ELMO1: variants seen among roughly 807,000 people sequenced by gnomAD.
ELMO1 encodes the protein engulfment and cell motility protein 1.
A neutral mutation model predicts 98.9 loss-of-function variants in ELMO1; 26 were observed. That is an observed-to-expected ratio of 0.26 (90% CI 0.19 to 0.36). The LOEUF is 0.36. Among genes scored for constraint, ELMO1 ranks in the 10% least tolerant of loss-of-function variants. The probability of loss-of-function intolerance (pLI) is 1.00; values close to 1 mark genes in which losing one functional copy is unlikely to be tolerated. For synonymous variants in ELMO1, 346 were observed against 346.0 expected, an observed-to-expected ratio of 1.00 and a Z score of 0.00; for missense variants, 627 against 935.2, an observed-to-expected ratio of 0.67 and a Z score of 4.30.
chr7:37,405,317 C>T (rs1318503096), intron 1 of ELMO1, among the ~76,000 whole-genome samples: 1 of 152,106 alleles, frequency 6.6e-6, no homozygotes, highest in African/African-American at 2.4e-5. Context: ...CCAATGTTTC[C>T]GACCCCCTCC....
rs1478268120 is a variant in ELMO1 at position 37,098,475 on chromosome 7, C to T, written c.1192-1748G>A. On this transcript the variant is annotated intron_variant, in intron 14 of 21. Coordinates refer to ENST00000310758, the MANE Select transcript of ELMO1 (RefSeq NM_014800.11). ...TAACCAGGTGATCAAGGAAGGTTCT[C>T]GGACTATTGAGAATCAAACGATGAG... 3.3e-5 allele frequency among the ~76,000 whole-genome samples: 5 copies of T among 152,120 alleles called. No homozygotes were observed. The East Asian group carries it at 5.8e-4, about 18-fold the overall frequency.
intron 13 of ELMO1, among the ~76,000 whole-genome samples, chr7:37,167,203 C>G (rs1013671819): frequency 1.3e-5 from 2 of 151,858 alleles, no homozygotes; most frequent in African/African-American, 2.4e-5. Flanking sequence ...AGATCTTCCT[C>G]CATCCCTTTA....
intron 4 of ELMO1, among the ~76,000 whole-genome samples, chr7:37,293,417 A>G (rs1234803809): frequency 1.2e-5 from 1 of 81,816 alleles, no homozygotes; most frequent in East Asian, 2.6e-4. Flanking sequence ...CGGTGACCTT[A>G]CCCCCAACCC....
chr7:37,386,063 T>G (rs953554225), intron 1 of ELMO1, among the ~76,000 whole-genome samples: 6 of 152,292 alleles, frequency 3.9e-5, no homozygotes, highest in African/African-American at 1.2e-4. Context: ...CAGAATGACT[T>G]CACCTTTAAG....
At position 37,442,325 on chromosome 7, in the gene ELMO1, T is replaced by A. The variant is rs181714924; in HGVS notation, c.-74+6350A>T. ...TCAGCATCGCCCAAAGGAGAAACCATCACGGTCAAAGGACTCCAGTCTCTG... is the reference window on the plus strand; with the variant it reads ...TCAGCATCGCCCAAAGGAGAAACCAACACGGTCAAAGGACTCCAGTCTCTG... On this transcript the variant is annotated intron_variant, in intron 1 of 21. Transcript: ENST00000310758. 2.2e-4 allele frequency among the ~76,000 whole-genome samples: 33 copies of A among 152,202 alleles called. No homozygotes were observed. In the East Asian group the frequency reaches 6.0e-3, roughly 28 times the overall value.
intron 4 of ELMO1, among the ~76,000 whole-genome samples, chr7:37,284,778 A>G (rs1797309186): frequency 6.6e-6 from 1 of 151,518 alleles, no homozygotes. Context: ...GGTTTAAAGA[A>G]AAAAAAAAGC....
At chr7:37,389,732 A>G (rs963393518) in intron 1 of ELMO1, among the ~76,000 whole-genome samples, 4 of 152,140 alleles carry the variant, frequency 2.6e-5, no homozygotes, top group African/African-American at 7.2e-5. Flanking sequence ...TCCTTTAACC[A>G]TAGGAAATAG....
chr7:37,432,720 G>A (rs1804982092), intron 1 of ELMO1, among the ~76,000 whole-genome samples: 1 of 152,224 alleles, frequency 6.6e-6, no homozygotes, highest in South Asian at 2.1e-4. Context: ...TATCACAGAT[G>A]CCTCGTCACC....
At chr7:37,033,750 G>C (rs923199454) in intron 15 of ELMO1, among the ~76,000 whole-genome samples, 3 of 152,174 alleles carry the variant, frequency 2.0e-5, no homozygotes, top group Non-Finnish European at 4.4e-5. Flanking sequence ...TGGAGACTAA[G>C]ATCATCAGAA....
chr7:36,941,434 T>A (rs904602024), intron 16 of ELMO1, among the ~76,000 whole-genome samples: 2 of 152,248 alleles, frequency 1.3e-5, no homozygotes, highest in African/African-American at 2.4e-5. Flanking sequence ...AAAGGGAGTA[T>A]GAGATAAAGG....
At chr7:37,437,316 CA>C (rs1171302466) in intron 1 of ELMO1, among the ~76,000 whole-genome samples, 1 of 152,108 alleles carries the variant, frequency 6.6e-6, no homozygotes, top group Non-Finnish European at 1.5e-5. Context: ...ATTAATAATA[CA>C]ATAAAACAGT....
In ELMO1 at chr7:37,211,530, G is replaced by C. The variant is rs770211261; in HGVS notation, c.955-13C>G. 2.5e-6 allele frequency: 4 copies of C among 1,612,186 alleles called. No individual in the cohort carries two copies. The African/African-American group carries it at 5.3e-5, about 22-fold the overall frequency. ...TGTCCCTCTGAGCCTGAAGGAATCA[G>C]GGAGTAAAAAGAAAAGGGAGGGGAA... On this transcript the variant is annotated splice_polypyrimidine_tract_variant and intron_variant, in intron 12 of 21. Coordinates refer to ENST00000310758, the MANE Select transcript of ELMO1 (RefSeq NM_014800.11).
At position 36,905,741 on chromosome 7, in the gene ELMO1, T is replaced by C. The variant is rs557215945; in HGVS notation, c.1438-10724A>G. On this transcript the variant is annotated intron_variant, in intron 16 of 21. Coordinates refer to ENST00000310758, the MANE Select transcript of ELMO1 (RefSeq NM_014800.11). ...GGGTTTTACCCAATTCATCTCTATG[T>C]TTCTGGTATTTAATACCAGTTTTAT... is the stretch of plus-strand genomic sequence containing the variant. Among the ~76,000 whole-genome samples the C allele has an allele frequency of 2.6e-5, 4 of 152,340 alleles. No individual in the cohort carries two copies. The East Asian group carries it at 5.8e-4, about 22-fold the overall frequency.
chr7:37,436,701 A>G (rs1003851648), intron 1 of ELMO1, among the ~76,000 whole-genome samples: 1 of 152,190 alleles, frequency 6.6e-6, no homozygotes, highest in Non-Finnish European at 1.5e-5. Flanking sequence ...CAATAAGTAG[A>G]AAAAGCACCC....
At chr7:36,895,447 G>C (rs959070429) in intron 16 of ELMO1, among the ~76,000 whole-genome samples, 1 of 152,146 alleles carries the variant, frequency 6.6e-6, no homozygotes, top group Non-Finnish European at 1.5e-5. Flanking sequence ...AGTTTGGCTG[G>C]AGCTGGTTCA....
intron 15 of ELMO1, among the ~76,000 whole-genome samples, chr7:37,026,057 CAAG>C (rs1721004513): frequency 6.6e-6 from 1 of 152,052 alleles, no homozygotes; most frequent in Admixed American, 6.6e-5. Flanking sequence ...AAAATATATG[CAAG>C]AAGTGATTTC....
At chr7:36,898,938 G>A (rs1238901348) in intron 16 of ELMO1, among the ~76,000 whole-genome samples, 1 of 152,184 alleles carries the variant, frequency 6.6e-6, no homozygotes, top group Non-Finnish European at 1.5e-5. Context: ...CACTCATGGA[G>A]GCCCTCCCAA....
chr7:37,151,002 G>C (rs952372329), intron 13 of ELMO1, among the ~76,000 whole-genome samples: 10 of 152,332 alleles, frequency 6.6e-5, no homozygotes, highest in Admixed American at 3.3e-4. Flanking sequence ...GTGCCAGAGG[G>C]ACTCACGCTG....
intron 14 of ELMO1, among the ~76,000 whole-genome samples, chr7:37,113,108 G>C (rs2129278426): frequency 6.6e-6 from 1 of 152,342 alleles, no homozygotes; most frequent in Non-Finnish European, 1.5e-5. Context: ...AGGCCAGAAA[G>C]GCAGCTGCAT....
Sources: gnomAD v4.1 joint callset for allele counts (sites outside exome capture counted in the v4.1 genomes callset) on GRCh38, gnomAD v4.1.1 for gene constraint, MANE v1.5 for transcripts, NCBI Gene and HGNC (gene_info 2026-07-23, HGNC 2026-07-21) for gene names.